The following SVIL variants were observed in gnomAD, a reference collection of about 807,000 sequenced individuals.
SVIL encodes the protein archvillin.
In SVIL, 101 loss-of-function variants were observed where a neutral mutation model predicts 240.4. That is an observed-to-expected ratio of 0.42 (90% CI 0.36 to 0.50). The LOEUF (loss-of-function observed/expected upper bound fraction) is 0.50, where lower values mean the gene tolerates loss of function less well. Among genes scored for constraint, SVIL ranks in the 20% least tolerant of loss-of-function variants. The pLI, the probability that SVIL is intolerant of heterozygous loss-of-function variation, is 0.01. For missense variants in SVIL, 2,512 were observed against 2,818.7 expected, an observed-to-expected ratio of 0.89 and a Z score of 2.46; for synonymous variants, 999 against 1,100.0, an observed-to-expected ratio of 0.91 and a Z score of 1.82.
intron 3 of SVIL, among the ~76,000 whole-genome samples, chr10:29,655,457 C>T (rs1167154333): frequency 6.6e-6 from 1 of 152,220 alleles, no homozygotes; most frequent in African/African-American, 2.4e-5. Flanking sequence ...CAGCAAGCTG[C>T]TTATCCCACC....
chr10:29,577,169 G>A (rs532385273), intron 1 of SVIL, among the ~76,000 whole-genome samples: 1 of 152,258 alleles, frequency 6.6e-6, no homozygotes, highest in African/African-American at 2.4e-5. Context: ...GTGAGCCACC[G>A]CACCTGACTG....
intron 3 of SVIL, among the ~76,000 whole-genome samples, chr10:29,648,771 T>G (rs530065919): frequency 1.3e-5 from 2 of 151,270 alleles, no homozygotes; most frequent in African/African-American, 4.9e-5. Context: ...TGGAAGTTGC[T>G]AGAAGTTAGT....
intron 1 of SVIL, among the ~76,000 whole-genome samples, chr10:29,708,402 C>T (rs1245884404): frequency 6.6e-6 from 1 of 151,940 alleles, no homozygotes; most frequent in Non-Finnish European, 1.5e-5. Flanking sequence ...GGGCGGATCA[C>T]CTGAGGTCAG....
At chr10:29,460,020 G>C (rs916937322) in intron 36 of SVIL, among the ~76,000 whole-genome samples, 3 of 152,040 alleles carry the variant, frequency 2.0e-5, no homozygotes, top group African/African-American at 7.2e-5. Flanking sequence ...TGAGCCCAGG[G>C]GTTCAAGGTT....
chr10:29,572,781 A>G (rs930097650), intron 1 of SVIL, among the ~76,000 whole-genome samples: 2 of 124,236 alleles, frequency 1.6e-5, no homozygotes, highest in African/African-American at 6.3e-5. Flanking sequence ...AAAAAAAAAA[A>G]GAAAAAGAAA....
At chr10:29,573,722 T>C (rs35945420) in intron 1 of SVIL, among the ~76,000 whole-genome samples, 42,113 of 150,544 alleles carry the variant, frequency 0.28, 6,315 homozygotes, top group African/African-American at 0.39. Flanking sequence ...TTTTTTTTTT[T>C]CCCGCTCTGT....
At position 29,480,524 on chromosome 10, in the gene SVIL, A is replaced by G. The variant is rs777292519; in HGVS notation, c.5377+13T>C. The G allele has an allele frequency of 1.2e-6, 2 of 1,609,292 alleles. No homozygotes were observed. The highest frequency in any genetic ancestry group is 3.3e-5 in the Admixed American group (2 of 59,978). On this transcript the variant is annotated intron_variant, in intron 29 of 37. Coordinates refer to ENST00000355867, the MANE Select transcript of SVIL (RefSeq NM_021738.3). ...CCTCTTTCAGCTGGAAAAAACCACA[A>G]GCGCTCACTAACCTGCCGTGCTCAC...
chr10:29,641,868 C>T (rs982578868), intron 3 of SVIL, among the ~76,000 whole-genome samples: 17 of 152,112 alleles, frequency 1.1e-4, no homozygotes, highest in African/African-American at 3.6e-4. Flanking sequence ...AGGAGGGATG[C>T]GATTACTTGT....
chr10:29,685,709 G>A (rs893212269), intron 2 of SVIL, among the ~76,000 whole-genome samples: 2 of 152,172 alleles, frequency 1.3e-5, no homozygotes, highest in African/African-American at 4.8e-5. Flanking sequence ...TTGGCCACGT[G>A]TATGTCTTCT....
intron 1 of SVIL, among the ~76,000 whole-genome samples, chr10:29,571,042 C>T (rs1369714504): frequency 4.6e-5 from 7 of 152,224 alleles, no homozygotes; most frequent in African/African-American, 7.2e-5. Context: ...TGCACACAGA[C>T]GGCTCGGTCA....
At chr10:29,526,024 A>G (rs1409819352) in intron 13 of SVIL, among the ~76,000 whole-genome samples, 3 of 152,218 alleles carry the variant, frequency 2.0e-5, no homozygotes, top group African/African-American at 4.8e-5. Context: ...TTTGGCTCAT[A>G]TAACAGTAAA....
chr10:29,601,802 T>C (rs772510157), intron 1 of SVIL, among the ~76,000 whole-genome samples: 1 of 152,260 alleles, frequency 6.6e-6, no homozygotes, highest in Non-Finnish European at 1.5e-5. Flanking sequence ...CTCCGCACCA[T>C]GCAGGCTTCT....
At chr10:29,509,330 G>GGGAGAGAGAGAGA (rs1949620403) in intron 17 of SVIL, among the ~76,000 whole-genome samples, 1 of 66,880 alleles carries the variant, frequency 1.5e-5, no homozygotes, top group Non-Finnish European at 3.1e-5. Context: ...GGAGGGGGAG[G>GGGAGAGAGAGAGA]GAGAGAGAGA....
At chr10:29,536,216 G>C in intron 6 of SVIL, 147 bp from the exon 7 acceptor site, 1 of 741,114 alleles carries the variant, frequency 1.3e-6, no homozygotes, top group Non-Finnish European at 2.2e-6. Flanking sequence ...AGTACACATG[G>C]TCACAAAGAG....
chr10:29,563,422 G>A (rs927037569), intron 2 of SVIL, 130 bp from the exon 3 acceptor site: 1 of 219,998 alleles, frequency 4.5e-6, no homozygotes, highest in South Asian at 1.6e-4. Flanking sequence ...CAGGTAAAAT[G>A]TTTTATATTG....
chr10:29,513,202 GC>G (rs1277318150), intron 16 of SVIL, among the ~76,000 whole-genome samples: 1 of 152,182 alleles, frequency 6.6e-6, no homozygotes, highest in Admixed American at 6.5e-5. Flanking sequence ...TTTTAGCGAC[GC>G]CTTCTGGTCA....
In SVIL at chr10:29,523,577, C is replaced by T; in HGVS notation, c.3037G>A (p.Asp1013Asn). ...RANPPITHLG[D>N]EPKEFSMAKM... Reference sequence around the variant, plus strand: ...GCCATGGAAAATTCCTTCGGTTCATCCCCGAGGTGGGTGATGGGAGGGTTC... The same window carrying T: ...GCCATGGAAAATTCCTTCGGTTCATTCCCGAGGTGGGTGATGGGAGGGTTC... The change falls in exon 15 of 38, where the codon GAT becomes AAT. Residue 1013 changes from aspartate (D) to asparagine (N), a missense_variant. Around this residue, in one of 3 missense-constraint regions of SVIL, gnomAD observed 1,443 missense variants for 1,486.6 expected, o/e 0.97. Transcript: ENST00000355867. The T allele has an allele frequency of 6.2e-7, 1 of 1,614,196 alleles. No individual in the cohort carries two copies. The highest frequency in any genetic ancestry group is 1.1e-5 in the South Asian group (1 of 91,082).
chr10:29,493,173 C>A (rs192160026), intron 21 of SVIL, 41 bp downstream of exon 21: 1 of 1,591,762 alleles, frequency 6.3e-7, no homozygotes, highest in Admixed American at 1.7e-5. Context: ...GCGAAGGAAG[C>A]CCTTCTCAGT....
At chr10:29,667,410 A>C (rs1315807323) in intron 2 of SVIL, among the ~76,000 whole-genome samples, 1 of 152,198 alleles carries the variant, frequency 6.6e-6, no homozygotes, top group Admixed American at 6.5e-5. Flanking sequence ...GAAAAGGCAA[A>C]ACTGTAGGGA....
Sources: allele counts gnomAD v4.1 joint callset (sites outside exome capture counted in the v4.1 genomes callset), GRCh38; gene constraint gnomAD v4.1.1; regional missense constraint gnomAD v4.1.1; transcripts MANE v1.5; gene names NCBI Gene and HGNC (gene_info 2026-07-23, HGNC 2026-07-21).